The following RHEB variants were observed in gnomAD, a reference collection of about 807,000 sequenced individuals.
RHEB encodes GTP-binding protein Rheb.
Under a neutral mutation model 28.8 loss-of-function variants are expected in RHEB, and 2 were observed. The observed-to-expected ratio is 0.07, with a 90% CI of 0.03 to 0.22. The LOEUF is 0.22. Ranked by LOEUF, RHEB falls within the 10% of genes least tolerant of loss-of-function variation. The pLI is 1.00. For synonymous variants in RHEB, 69 were observed against 77.3 expected (o/e 0.89, Z 0.56); for missense variants, 76 against 219.9 (o/e 0.35, Z 4.14).
chr7:151,484,928 A>G (rs1802441336), intron 2 of RHEB, 124 bp from the exon 3 acceptor site: 2 of 614,866 alleles, frequency 3.3e-6, no homozygotes, highest in Non-Finnish European at 5.7e-6. Flanking sequence ...GCCCCATGAA[A>G]CAAAAAAGAA....
rs114164279 is a variant in RHEB, at chr7:151,472,522, C to T, written c.276-917G>A. ...CCTCCCAAAGTGCTGGGATTACAGG[C>T]GTGAGCCACCACACCCAGCCTCAAA... On this transcript the variant is annotated intron_variant, in intron 4 of 7. Transcript: ENST00000262187. The surrounding 1 kb of genome is among the most constrained non-coding windows in gnomAD (Gnocchi z 5.2). Among the ~76,000 whole-genome samples, 4,883 of 152,272 alleles carry T rather than the reference C, an allele frequency of 0.032. 229 individuals are homozygous for T. Among genetic ancestry groups the T allele is most frequent in the African/African-American group, 0.11 (4,577 of 41,544 alleles).
chr7:151,510,632 G>A (rs1802964177), intron 1 of RHEB, among the ~76,000 whole-genome samples: 1 of 152,170 alleles, frequency 6.6e-6, no homozygotes, highest in Non-Finnish European at 1.5e-5. Flanking sequence ...GTACAAAGTA[G>A]AGCATTTATT....
intron 1 of RHEB, among the ~76,000 whole-genome samples, chr7:151,496,671 C>G (rs1427844806): frequency 6.6e-6 from 1 of 152,052 alleles, no homozygotes; most frequent in Admixed American, 6.6e-5. Context: ...TTCTTTCTTC[C>G]CTATACAGTA....
rs1803151723 is a variant in RHEB, at chr7:151,519,762, G to A, written c.-251C>T. The A allele has an allele frequency of 3.0e-6, 1 of 333,032 alleles. No homozygotes were observed. The highest frequency in any genetic ancestry group is 5.4e-6 in the Non-Finnish European group (1 of 184,022). The allele number at this position is 333,032 out of a possible 1,614,324, so 20.6% of individuals were successfully genotyped here. The stretch of plus-strand genomic sequence containing the variant: ...TCAGCACCGCCCCTCTTCGCGCCGT[G>A]GCCCGCCGCCTCCGCCCCCCGAAAT... On this transcript the variant is annotated 5_prime_UTR_variant, in exon 1 of 8. Transcript: ENST00000262187.
intron 3 of RHEB, among the ~76,000 whole-genome samples, 178 bp downstream of exon 3, chr7:151,484,559 C>A (rs118181023): frequency 1.9e-3 from 296 of 152,206 alleles, no homozygotes; most frequent in African/African-American, 6.8e-3. Flanking sequence ...ATAGACCCAT[C>A]GTAAAGATGA....
chr7:151,484,535 T>C (rs577818972), intron 3 of RHEB, among the ~76,000 whole-genome samples: 85 of 152,296 alleles, frequency 5.6e-4, no homozygotes, highest in African/African-American at 1.9e-3. Context: ...GTTGAAAATG[T>C]ATCAAATACC....
At chr7:151,503,277 G>A in intron 1 of RHEB, 1 of 787,744 alleles carries the variant, frequency 1.3e-6, no homozygotes, top group Non-Finnish European at 2.3e-6. Flanking sequence ...TGCCCCTGTT[G>A]GAATGGTTTG....
At chr7:151,476,178 T>C (rs978982388) in intron 4 of RHEB, among the ~76,000 whole-genome samples, 5 of 152,218 alleles carry the variant, frequency 3.3e-5, no homozygotes, top group African/African-American at 9.6e-5. Context: ...CCCTAAAGTA[T>C]GTTTCTCTGC....
chr7:151,475,504 C>T (rs146015351), intron 4 of RHEB, among the ~76,000 whole-genome samples: 1,741 of 152,244 alleles, frequency 0.011, 16 homozygotes, highest in Non-Finnish European at 0.018. Context: ...TATTGGTACA[C>T]TAAATTTGTT....
rs531489854 is a variant in RHEB at position 151,470,043 on chromosome 7, C to T, written c.462+528G>A. ...GGCTCATACAGGACTGTGAAGCCTC[C>T]GGAGGCAGAATCTACATCCTTCCCA... On this transcript the variant is annotated intron_variant, in intron 7 of 7. Coordinates refer to ENST00000262187, the MANE Select transcript of RHEB (RefSeq NM_005614.4). Among the ~76,000 whole-genome samples the T allele has an allele frequency of 3.3e-5, 5 of 152,264 alleles. No homozygotes were observed. In the East Asian group the frequency reaches 5.8e-4, roughly 18 times the overall value.
intron 1 of RHEB, among the ~76,000 whole-genome samples, chr7:151,498,782 A>G (rs892330791): frequency 2.0e-5 from 3 of 151,366 alleles, no homozygotes; most frequent in Non-Finnish European, 2.9e-5. Context: ...CATCAGTTAC[A>G]GACAGAATCC....
chr7:151,498,019 C>T (rs778208545), intron 1 of RHEB: 133 of 885,060 alleles, frequency 1.5e-4, no homozygotes, highest in Non-Finnish European at 2.0e-4. Context: ...GGGTGCCACA[C>T]ACTTGACCAT....
intron 1 of RHEB, chr7:151,502,692 C>G (rs1802794059): frequency 1.2e-6 from 2 of 1,609,752 alleles, no homozygotes; most frequent in Admixed American, 1.7e-5. Context: ...AAGTCCTGCA[C>G]AAATTCACTG....
intron 1 of RHEB, among the ~76,000 whole-genome samples, chr7:151,499,277 G>C (rs1439596785): frequency 6.6e-6 from 1 of 152,216 alleles, no homozygotes; most frequent in Non-Finnish European, 1.5e-5. Flanking sequence ...AGAATCACTT[G>C]AACCTGGGAG....
chr7:151,470,694 C>T (rs1802145712), intron 6 of RHEB, 42 bp from the exon 7 acceptor site: 1 of 1,350,364 alleles, frequency 7.4e-7, no homozygotes, highest in Non-Finnish European at 1.0e-6. Flanking sequence ...CTTTGCTCTT[C>T]ATTATATAAA....
chr7:151,483,743 T>A (rs765896313), intron 3 of RHEB, among the ~76,000 whole-genome samples: 1 of 152,174 alleles, frequency 6.6e-6, no homozygotes, highest in African/African-American at 2.4e-5. Context: ...AGTTAGGAGC[T>A]GAAATCCCAG....
intron 1 of RHEB, among the ~76,000 whole-genome samples, chr7:151,500,701 C>T (rs1802758481): frequency 6.6e-6 from 1 of 152,100 alleles, no homozygotes. Flanking sequence ...AAAATAAAAA[C>T]AGAAGAGAGA....
intron 1 of RHEB, among the ~76,000 whole-genome samples, chr7:151,507,643 C>A (rs1802910450): frequency 6.6e-6 from 1 of 152,098 alleles, no homozygotes; most frequent in South Asian, 2.1e-4. Flanking sequence ...TGTTCTTTCT[C>A]ACACCCCTTC....
At chr7:151,474,738 T>C (rs566679666) in intron 4 of RHEB, among the ~76,000 whole-genome samples, 1 of 152,348 alleles carries the variant, frequency 6.6e-6, no homozygotes, top group African/African-American at 2.4e-5. Context: ...TTTTATGATA[T>C]AAAGGAATAA....
Sources: gnomAD v4.1 joint callset for allele counts (sites outside exome capture counted in the v4.1 genomes callset) on GRCh38, gnomAD v4.1.1 for gene constraint, Gnocchi (gnomAD v3.1) non-coding constraint, MANE v1.5 for transcripts, NCBI Gene and HGNC (gene_info 2026-07-23, HGNC 2026-07-21) for gene names.